Variants in B4GALNT3 observed in about 807,000 individuals in gnomAD.
The protein encoded by B4GALNT3 is beta-1,4-N-acetylgalactosaminyltransferase 3.
Under a neutral mutation model 120.2 loss-of-function variants are expected in B4GALNT3, and 86 were observed. The ratio of observed to expected loss-of-function variants is 0.72; its 90% CI spans 0.60 to 0.86. The LOEUF is 0.86. Among genes scored for constraint, B4GALNT3 ranks in the 40% least tolerant of loss-of-function variants. The probability of loss-of-function intolerance (pLI) is 0.00; values close to 1 mark genes in which losing one functional copy is unlikely to be tolerated. For missense variants in B4GALNT3, 1,167 were observed against 1,298.9 expected, an observed-to-expected ratio of 0.90 and a Z score of 1.56; for synonymous variants, 518 against 510.4, an observed-to-expected ratio of 1.01 and a Z score of -0.20.
intron 1 of B4GALNT3, among the ~76,000 whole-genome samples, chr12:511,998 T>TCCTTCCA (rs1165893540): frequency 1.4e-5 from 2 of 140,290 alleles, no homozygotes; most frequent in African/African-American, 2.8e-5. Flanking sequence ...CCTTCCATCT[T>TCCTTCCA]CCTTCCACCT....
rs80244899 is a variant in B4GALNT3 at position 502,685 on chromosome 12, G to A, written c.170-32481G>A. On this transcript the variant is annotated intron_variant, in intron 1 of 19. Transcript: ENST00000266383. ...TTAGCACAGATTTGCAGAGGGTAGC[G>A]ACCCTTGCTATTATTTCAGGAGGAG... 8.4e-3 allele frequency among the ~76,000 whole-genome samples: 1,283 copies of A among 152,282 alleles called. 9 individuals carry two copies. Among genetic ancestry groups the A allele is most frequent in the South Asian group, 0.017 (82 of 4,816 alleles).
At chr12:515,273 C>A (rs142844192) in intron 1 of B4GALNT3, among the ~76,000 whole-genome samples, 1 of 152,128 alleles carries the variant, frequency 6.6e-6, no homozygotes, top group South Asian at 2.1e-4. Context: ...GCAACCTCCA[C>A]CTCCCTGGGT....
At position 534,136 on chromosome 12, in the gene B4GALNT3, G is replaced by A. The variant is rs989696100; in HGVS notation, c.170-1030G>A. Among the ~76,000 whole-genome samples, 89 of 152,222 alleles carry A rather than the reference G, an allele frequency of 5.8e-4. 3 individuals are homozygous for A. The highest frequency in any genetic ancestry group is 1.2e-4 in the African/African-American group (5 of 41,446). ...GGAAAGGGGAGCTCAGTGGAAATCC[G>A]TGGCACACTGGGGTCCTAGTCTTAG... is the stretch of plus-strand genomic sequence containing the variant. On this transcript the variant is annotated intron_variant, in intron 1 of 19. Coordinates refer to ENST00000266383, the MANE Select transcript of B4GALNT3 (RefSeq NM_173593.4).
chr12:555,430 G>A (rs1215967575), intron 14 of B4GALNT3: 36 of 453,120 alleles, frequency 7.9e-5, no homozygotes, highest in Admixed American at 4.7e-4. Context: ...TTCATTCCTC[G>A]ATATTGCTGA....
chr12:556,214 T>G (rs1947154675), intron 14 of B4GALNT3, among the ~76,000 whole-genome samples: 1 of 152,224 alleles, frequency 6.6e-6, no homozygotes, highest in Non-Finnish European at 1.5e-5. Context: ...TCATTTTGTC[T>G]TATGGAATGT....
chr12:503,206 C>T (rs760010696), intron 1 of B4GALNT3, among the ~76,000 whole-genome samples: 3 of 152,132 alleles, frequency 2.0e-5, no homozygotes, highest in African/African-American at 7.2e-5. Context: ...TGAGCGTGTG[C>T]GCAGTGACTC....
At chr12:502,358 C>T (rs1946452320) in intron 1 of B4GALNT3, among the ~76,000 whole-genome samples, 2 of 152,164 alleles carry the variant, frequency 1.3e-5, no homozygotes, top group African/African-American at 4.8e-5. Context: ...TTCTGCCTGG[C>T]AGCTGCGCTC....
intron 5 of B4GALNT3, 117 bp from the exon 6 acceptor site, chr12:545,252 G>T: frequency 6.8e-7 from 1 of 1,476,942 alleles, no homozygotes; most frequent in South Asian, 1.4e-5. Context: ...TTACAGAGAG[G>T]GAAGCCACAG....
chr12:477,025 G>A (rs1413133478), intron 1 of B4GALNT3, among the ~76,000 whole-genome samples: 2 of 152,106 alleles, frequency 1.3e-5, no homozygotes, highest in Non-Finnish European at 2.9e-5. Flanking sequence ...CCCTTAAAAA[G>A]GTTATCTATT....
intron 1 of B4GALNT3, among the ~76,000 whole-genome samples, chr12:494,101 C>T (rs1419136184): frequency 1.3e-5 from 2 of 151,968 alleles, no homozygotes; most frequent in East Asian, 3.9e-4. Flanking sequence ...GAAACCCCAT[C>T]TCTACAAAAA....
At chr12:511,095 T>TGG (rs1946545109) in intron 1 of B4GALNT3, among the ~76,000 whole-genome samples, 1 of 135,366 alleles carries the variant, frequency 7.4e-6, no homozygotes, top group Non-Finnish European at 1.5e-5. Flanking sequence ...TGGAGTGCAG[T>TGG]GGCAGCTCAC....
At chr12:477,853 T>C (rs1946198632) in intron 1 of B4GALNT3, among the ~76,000 whole-genome samples, 1 of 152,132 alleles carries the variant, frequency 6.6e-6, no homozygotes, top group Admixed American at 6.5e-5. Flanking sequence ...GTTTAGCAAA[T>C]GGAAGTCCAT....
chr12:478,961 G>A (rs1946210018), intron 1 of B4GALNT3, among the ~76,000 whole-genome samples: 1 of 152,192 alleles, frequency 6.6e-6, no homozygotes, highest in Non-Finnish European at 1.5e-5. Flanking sequence ...CCCACCTAGC[G>A]TGATGAATCC....
At chr12:546,412 T>G (rs535206509) in intron 6 of B4GALNT3, among the ~76,000 whole-genome samples, 61 of 152,160 alleles carry the variant, frequency 4.0e-4, no homozygotes, top group Admixed American at 3.2e-3. Context: ...TGACTCGCGC[T>G]GCAGGTCATC....
chr12:487,328 T>C (rs932989610), intron 1 of B4GALNT3, among the ~76,000 whole-genome samples: 2 of 151,824 alleles, frequency 1.3e-5, no homozygotes, highest in Non-Finnish European at 2.9e-5. Flanking sequence ...TCCAAGAAGC[T>C]CAGAAATCAT....
intron 1 of B4GALNT3, among the ~76,000 whole-genome samples, chr12:511,280 TCTTCCACCTTCGACCTTCCAC>T (rs1946548634): frequency 7.3e-6 from 1 of 137,226 alleles, no homozygotes; most frequent in African/African-American, 2.8e-5. Context: ...CCTTCGACCT[TCTTCCACCTTCGACCTTCCAC>T]CTTCCACCTT....
chr12:490,282 G>A (rs11513717), intron 1 of B4GALNT3, among the ~76,000 whole-genome samples: 16,042 of 152,024 alleles, frequency 0.11, 990 homozygotes, highest in East Asian at 0.21. Flanking sequence ...TAGGAAATCA[G>A]TACAGAAAGT....
intron 1 of B4GALNT3, among the ~76,000 whole-genome samples, chr12:500,474 T>G (rs992093695): frequency 6.6e-6 from 1 of 152,180 alleles, no homozygotes; most frequent in Non-Finnish European, 1.5e-5. Flanking sequence ...TAGTCCTGCA[T>G]GTAACAGGGC....
intron 5 of B4GALNT3, 129 bp from the exon 6 acceptor site, chr12:545,240 C>T: frequency 6.8e-7 from 1 of 1,468,232 alleles, no homozygotes. Flanking sequence ...GAAACCCCCA[C>T]TTTACAGAGA....
Sources: allele counts gnomAD v4.1 joint callset (sites outside exome capture counted in the v4.1 genomes callset), GRCh38; gene constraint gnomAD v4.1.1; transcripts MANE v1.5; gene names NCBI Gene and HGNC (gene_info 2026-07-23, HGNC 2026-07-21).